Variants in GALNTL6 observed in about 807,000 individuals in gnomAD.
The protein encoded by GALNTL6 is polypeptide N-acetylgalactosaminyltransferase like 6.
Under a neutral mutation model 73.7 loss-of-function variants are expected in GALNTL6, and 46 were observed. That is an observed-to-expected ratio of 0.62 (90% CI 0.49 to 0.80). The LOEUF is 0.80. Among genes scored for constraint, GALNTL6 ranks in the 30% least tolerant of loss-of-function variants. The pLI is 0.00. For synonymous variants in GALNTL6, 259 were observed against 263.7 expected, an observed-to-expected ratio of 0.98 and a Z score of 0.17; for missense variants, 604 against 755.0, an observed-to-expected ratio of 0.80 and a Z score of 2.34.
intron 2 of GALNTL6, among the ~76,000 whole-genome samples, chr4:172,115,889 G>C (rs1330326672): frequency 6.6e-6 from 1 of 151,702 alleles, no homozygotes; most frequent in Non-Finnish European, 1.5e-5. Context: ...ATGTTTTCTT[G>C]AACATTGCTT....
intron 5 of GALNTL6, among the ~76,000 whole-genome samples, chr4:172,375,031 G>C (rs1184231407): frequency 6.6e-6 from 1 of 152,180 alleles, no homozygotes; most frequent in Non-Finnish European, 1.5e-5. Flanking sequence ...AGCCTGGGGG[G>C]TTAGTGGTCC....
chr4:172,973,416 G>A (rs1355179811), intron 10 of GALNTL6, among the ~76,000 whole-genome samples: 1 of 152,142 alleles, frequency 6.6e-6, no homozygotes, highest in Non-Finnish European at 1.5e-5. Flanking sequence ...CAGAAGTTGA[G>A]GGAAACTTGA....
intron 5 of GALNTL6, among the ~76,000 whole-genome samples, chr4:172,557,492 A>G (rs1011442316): frequency 1.3e-5 from 2 of 152,186 alleles, no homozygotes; most frequent in South Asian, 4.1e-4. Context: ...TGCAATACTT[A>G]TATCCAGCTG....
In GALNTL6 at chr4:172,506,003, T is replaced by C. The variant is rs1210106929; in HGVS notation, c.553+157314T>C. On this transcript the variant is annotated intron_variant, in intron 5 of 12. Coordinates refer to ENST00000506823, the MANE Select transcript of GALNTL6 (RefSeq NM_001034845.3). ...GGAAAGAAACAAAAATACACCAAGC[T>C]CGCAGCACATTCAGCATTATCATTA... is the stretch of plus-strand genomic sequence containing the variant. Among the ~76,000 whole-genome samples the C allele has an allele frequency of 1.1e-4, 6 of 53,792 alleles. 2 individuals are homozygous for C. The highest frequency in any genetic ancestry group is 2.6e-4 in the Non-Finnish European group (6 of 23,320). 35.3% of individuals were successfully genotyped at this position (53,792 alleles called of 152,430 possible). A position where few individuals can be genotyped will look rare whatever the true frequency, so the allele number is the denominator to read the frequency against.
chr4:172,953,281 AT>A (rs1238110707), intron 10 of GALNTL6, among the ~76,000 whole-genome samples: 2 of 152,224 alleles, frequency 1.3e-5, no homozygotes, highest in Non-Finnish European at 2.9e-5. Flanking sequence ...TCTCCGTAGA[AT>A]AGAGTGTGCT....
intron 5 of GALNTL6, among the ~76,000 whole-genome samples, chr4:172,595,253 T>A (rs1737808740): frequency 6.6e-6 from 1 of 152,256 alleles, no homozygotes; most frequent in African/African-American, 2.4e-5. Context: ...GTAAAAAAAA[T>A]ATTACAAGGA....
At chr4:172,144,793 C>G (rs987897409) in intron 2 of GALNTL6, among the ~76,000 whole-genome samples, 9 of 152,082 alleles carry the variant, frequency 5.9e-5, no homozygotes, top group Non-Finnish European at 1.3e-4. Context: ...CAGAGCTAAC[C>G]CCTTGTTTTG....
intron 5 of GALNTL6, among the ~76,000 whole-genome samples, chr4:172,349,621 G>C (rs1230417299): frequency 6.6e-6 from 1 of 151,910 alleles, no homozygotes; most frequent in East Asian, 1.9e-4. Flanking sequence ...TTTGACAGAG[G>C]TAGTCAGTTA....
chr4:172,267,163 C>T (rs1294802125), intron 3 of GALNTL6, among the ~76,000 whole-genome samples: 2 of 151,906 alleles, frequency 1.3e-5, no homozygotes, highest in Admixed American at 6.6e-5. Flanking sequence ...AGAAATTGAC[C>T]CTGCCTTCAA....
intron 8 of GALNTL6, among the ~76,000 whole-genome samples, chr4:172,923,267 G>A (rs577398993): frequency 3.0e-4 from 46 of 152,290 alleles, no homozygotes; most frequent in African/African-American, 1.0e-3. Flanking sequence ...AGGCAAGAAG[G>A]AGCAAGTCAC....
At chr4:172,536,549 A>G (rs931517953) in intron 5 of GALNTL6, among the ~76,000 whole-genome samples, 2 of 152,216 alleles carry the variant, frequency 1.3e-5, no homozygotes, top group Non-Finnish European at 2.9e-5. Context: ...GAATAGCAGC[A>G]TTTTGCCCCT....
chr4:172,610,578 T>C (rs1265341974), intron 5 of GALNTL6, among the ~76,000 whole-genome samples: 1 of 152,104 alleles, frequency 6.6e-6, no homozygotes, highest in Non-Finnish European at 1.5e-5. Context: ...TTTGATTTTA[T>C]TGAACTGTTG....
chr4:172,678,423 G>A (rs549447996), intron 5 of GALNTL6, among the ~76,000 whole-genome samples: 25 of 150,434 alleles, frequency 1.7e-4, no homozygotes, highest in South Asian at 8.4e-4. Context: ...TCGGCTCACC[G>A]CAACCTCTGC....
intron 3 of GALNTL6, among the ~76,000 whole-genome samples, chr4:172,266,985 G>A (rs541435209): frequency 5.9e-4 from 90 of 152,148 alleles, no homozygotes; most frequent in African/African-American, 2.1e-3. Flanking sequence ...ATGGGGTCCG[G>A]GGAATTTTTA....
intron 2 of GALNTL6, among the ~76,000 whole-genome samples, chr4:171,971,790 G>C (rs190136115): frequency 1.3e-5 from 2 of 152,204 alleles, no homozygotes; most frequent in East Asian, 3.9e-4. Context: ...ACAAACTATG[G>C]CAAAACTTAG....
intron 2 of GALNTL6, among the ~76,000 whole-genome samples, chr4:171,866,819 C>T (rs1325436894): frequency 6.6e-6 from 1 of 152,042 alleles, no homozygotes; most frequent in Non-Finnish European, 1.5e-5. Flanking sequence ...GCATTAATCC[C>T]ATTTAGGAGG....
intron 5 of GALNTL6, among the ~76,000 whole-genome samples, chr4:172,350,925 T>C (rs1242105940): frequency 1.3e-5 from 2 of 152,234 alleles, no homozygotes; most frequent in Middle Eastern, 3.4e-3. Context: ...AACTATTAAG[T>C]GTACGACATT....
At chr4:172,311,779 G>T (rs764924364) in intron 4 of GALNTL6, 27 bp downstream of exon 4, 2 of 1,471,846 alleles carry the variant, frequency 1.4e-6, no homozygotes, top group South Asian at 1.4e-5. Flanking sequence ...CAGTGATCAG[G>T]GTGGGTTTTT....
At chr4:172,696,288 G>A (rs1733689923) in intron 5 of GALNTL6, among the ~76,000 whole-genome samples, 1 of 152,086 alleles carries the variant, frequency 6.6e-6, no homozygotes, top group Admixed American at 6.6e-5. Flanking sequence ...TTTTCTAGCT[G>A]GCATTTACAA....
Sources: allele counts gnomAD v4.1 joint callset (sites outside exome capture counted in the v4.1 genomes callset), GRCh38; gene constraint gnomAD v4.1.1; transcripts MANE v1.5; gene names NCBI Gene and HGNC (gene_info 2026-07-23, HGNC 2026-07-21).